Variants in DSCAML1 observed in about 807,000 individuals in gnomAD.
The protein encoded by DSCAML1 is DS cell adhesion molecule like 1.
In DSCAML1, 38 loss-of-function variants were observed where a neutral mutation model predicts 200.5. The observed-to-expected ratio is 0.19, with a 90% CI of 0.15 to 0.25. The LOEUF (loss-of-function observed/expected upper bound fraction) is 0.25. Among genes scored for constraint, DSCAML1 ranks in the 10% least tolerant of loss-of-function variants. The pLI, the probability that DSCAML1 is intolerant of heterozygous loss-of-function variation, is 1.00. For missense variants in DSCAML1, 2,223 were observed against 2,858.8 expected, an observed-to-expected ratio of 0.78 and a Z score of 5.07; for synonymous variants, 1,215 against 1,165.0, an observed-to-expected ratio of 1.04 and a Z score of -0.87.
intron 26 of DSCAML1, among the ~76,000 whole-genome samples, chr11:117,436,035 T>C (rs2047908216): frequency 6.6e-6 from 1 of 152,200 alleles, no homozygotes; most frequent in Non-Finnish European, 1.5e-5. Flanking sequence ...CCTGGTACTG[T>C]TGTAGAATTA....
At chr11:117,458,540 G>T (rs2137139235) in intron 19 of DSCAML1, among the ~76,000 whole-genome samples, 1 of 151,978 alleles carries the variant, frequency 6.6e-6, no homozygotes, top group South Asian at 2.1e-4. Context: ...TATGTAGGGG[G>T]TGCGGGGGGA....
intron 3 of DSCAML1, among the ~76,000 whole-genome samples, chr11:117,724,547 G>A (rs957729828): frequency 3.3e-5 from 5 of 152,174 alleles, no homozygotes; most frequent in East Asian, 1.9e-4. Flanking sequence ...CTCAGATGCC[G>A]GCTAACTTTA....
At chr11:117,501,731 A>C (rs547652329) in intron 11 of DSCAML1, among the ~76,000 whole-genome samples, 60 of 152,096 alleles carry the variant, frequency 3.9e-4, no homozygotes, top group African/African-American at 1.4e-3. Flanking sequence ...GTGGGTGTTG[A>C]GAGGTTCTGA....
chr11:117,436,328 T>C (rs998504288), intron 26 of DSCAML1, among the ~76,000 whole-genome samples: 8 of 152,172 alleles, frequency 5.3e-5, no homozygotes, highest in African/African-American at 1.9e-4. Context: ...CCTGCTGACA[T>C]AACCCTCTGC....
rs1396273893 is a variant in DSCAML1 at position 117,428,042 on chromosome 11, CCTGT to C, written c.*282_*285del. 1 of 274,138 alleles carries C rather than the reference CCTGT, an allele frequency of 3.6e-6. No homozygotes were observed. The highest frequency in any genetic ancestry group is 6.7e-6 in the Non-Finnish European group (1 of 148,334). The allele number at this position is 274,138 out of a possible 1,614,324, so 17.0% of individuals were successfully genotyped here. A position where few individuals can be genotyped will look rare whatever the true frequency, so the allele number is the denominator to read the frequency against. ...TAGATATATAGCTCGTGGACGCGTT[CCTGT>C]CTGTCTATATATGTATATATATCTC... On this transcript the variant is annotated 3_prime_UTR_variant, in exon 33 of 33. Transcript: ENST00000651296.
chr11:117,597,177 A>C lies in DSCAML1; in HGVS notation c.512-64655T>G, dbSNP rs117215487. On this transcript the variant is annotated intron_variant, in intron 3 of 32. Coordinates refer to ENST00000651296, the MANE Select transcript of DSCAML1 (RefSeq NM_020693.4). ...GTGGGTATGATTTATTACAAATAAC[A>C]AAATGTTATTATATGGAAATTAGTT... 4.3e-3 allele frequency among the ~76,000 whole-genome samples: 651 copies of C among 152,372 alleles called. 2 individuals carry two copies. The highest frequency in any genetic ancestry group is 0.025 in the South Asian group (119 of 4,832).
chr11:117,646,946 C>T (rs890797873), intron 3 of DSCAML1, among the ~76,000 whole-genome samples: 2 of 152,112 alleles, frequency 1.3e-5, no homozygotes, highest in African/African-American at 4.8e-5. Flanking sequence ...CTGATCGTGA[C>T]GTGAGTTTGA....
At chr11:117,494,366 C>G (rs1051397603) in intron 11 of DSCAML1, among the ~76,000 whole-genome samples, 1 of 152,236 alleles carries the variant, frequency 6.6e-6, no homozygotes, top group East Asian at 1.9e-4. Context: ...ACATAGACCA[C>G]TGGCCAGATA....
At chr11:117,552,022 G>T (rs1167490024) in intron 3 of DSCAML1, among the ~76,000 whole-genome samples, 3 of 140,360 alleles carry the variant, frequency 2.1e-5, no homozygotes, top group African/African-American at 7.9e-5. Flanking sequence ...TATGGAGGGG[G>T]AAGAGAAGGT....
chr11:117,518,269 GACAC>G lies in DSCAML1; in HGVS notation c.1510+193_1510+196del, dbSNP rs763631928. Among the ~76,000 whole-genome samples the G allele has an allele frequency of 6.6e-6, 1 of 152,016 alleles. No homozygotes were observed. The highest frequency in any genetic ancestry group is 1.5e-5 in the Non-Finnish European group (1 of 67,986). On this transcript the variant is annotated intron_variant, in intron 7 of 32. Transcript: ENST00000651296. This position sits in a 1 kb window ranked among gnomAD's most constrained non-coding sequence, Gnocchi z 6.3. The stretch of plus-strand genomic sequence containing the variant: ...AGGTGAATGAGGGTGAACTGTACCA[GACAC>G]ACACACGCACACAAGAATGGATGAT...
At chr11:117,475,151 T>C (rs553610223) in intron 14 of DSCAML1, among the ~76,000 whole-genome samples, 1 of 152,284 alleles carries the variant, frequency 6.6e-6, no homozygotes, top group South Asian at 2.1e-4. Flanking sequence ...AAATGGCCTC[T>C]TCCCTAGCTC....
intron 8 of DSCAML1, among the ~76,000 whole-genome samples, chr11:117,509,388 A>G (rs11216433): frequency 0.079 from 12,011 of 152,166 alleles, 550 homozygotes; most frequent in African/African-American, 0.12. Context: ...CATCCTGGGG[A>G]GTTAAACATG....
intron 3 of DSCAML1, among the ~76,000 whole-genome samples, chr11:117,545,539 C>A (rs1416947228): frequency 6.6e-6 from 1 of 152,184 alleles, no homozygotes; most frequent in East Asian, 1.9e-4. Context: ...AGAACCGGGT[C>A]CTGCTCTGCA....
At chr11:117,798,644 A>G (rs2055625703), upstream of DSCAML1, among the ~76,000 whole-genome samples, 1 of 151,782 alleles carries the variant, frequency 6.6e-6, no homozygotes, top group Admixed American at 6.6e-5. Context: ...CCTGGCAACC[A>G]CTATTCTACT....
chr11:117,567,944 C>G (rs1430531803), intron 3 of DSCAML1, among the ~76,000 whole-genome samples: 5 of 152,226 alleles, frequency 3.3e-5, no homozygotes, highest in African/African-American at 1.2e-4. Context: ...AGACCAATAG[C>G]CTTGATGAAC....
At chr11:117,616,223 A>G (rs2051808685) in intron 3 of DSCAML1, among the ~76,000 whole-genome samples, 1 of 152,074 alleles carries the variant, frequency 6.6e-6, no homozygotes, top group South Asian at 2.1e-4. Context: ...CAAGGTTTTC[A>G]CTCAAAGGCA....
chr11:117,773,482 T>A (rs2055073888), intron 3 of DSCAML1, among the ~76,000 whole-genome samples: 1 of 150,486 alleles, frequency 6.6e-6, no homozygotes, highest in Admixed American at 6.7e-5. Flanking sequence ...TGCCATGTAA[T>A]CTTCCCCTAC....
intron 3 of DSCAML1, among the ~76,000 whole-genome samples, chr11:117,572,545 G>C (rs571700283): frequency 1.1e-4 from 17 of 152,286 alleles, no homozygotes; most frequent in Non-Finnish European, 1.8e-4. Flanking sequence ...CTTTAGTGAA[G>C]GAGTGTATCC....
intron 3 of DSCAML1, among the ~76,000 whole-genome samples, chr11:117,563,066 G>A (rs1469001585): frequency 2.0e-5 from 3 of 152,206 alleles, no homozygotes; most frequent in Admixed American, 2.0e-4. Flanking sequence ...ACTGCTTGCT[G>A]AAATGAAGTG....
Sources: allele counts gnomAD v4.1 joint callset (sites outside exome capture counted in the v4.1 genomes callset), GRCh38; gene constraint gnomAD v4.1.1; non-coding constraint Gnocchi (gnomAD v3.1); transcripts MANE v1.5; gene names NCBI Gene and HGNC (gene_info 2026-07-23, HGNC 2026-07-21).